The following DMD variants were observed in gnomAD, a reference collection of about 807,000 sequenced individuals.
The protein encoded by DMD is mutant dystrophin.
DMD carries 63 observed loss-of-function variants against 330.1 expected under a neutral mutation model. That is an observed-to-expected ratio of 0.19 (90% CI 0.16 to 0.24). The LOEUF (loss-of-function observed/expected upper bound fraction) is 0.24. Ranked by LOEUF, DMD falls within the 10% of genes least tolerant of loss-of-function variation. The probability of loss-of-function intolerance (pLI) is 1.00; values close to 1 mark genes in which losing one functional copy is unlikely to be tolerated. For missense variants in DMD, 3,344 were observed against 2,684.1 expected (o/e 1.25, Z -5.43); for synonymous variants, 1,223 against 959.8 (o/e 1.27, Z -5.07).
At chrX:32,875,827 T>G (rs2083332651) in intron 2 of DMD, among the ~76,000 whole-genome samples, 1 of 112,102 alleles carries the variant, frequency 8.9e-6, no homozygotes, top group Non-Finnish European at 1.9e-5. Flanking sequence ...AACACTTCTT[T>G]GCTGGCTTCT....
intron 74 of DMD, among the ~76,000 whole-genome samples, chrX:31,161,059 T>C (rs2038751586): frequency 9.0e-6 from 1 of 111,470 alleles, no homozygotes; most frequent in Non-Finnish European, 1.9e-5. Context: ...TTTCATAGGG[T>C]TGTTTTAAGG....
intron 2 of DMD, among the ~76,000 whole-genome samples, chrX:32,989,853 G>A (rs1602448510): frequency 9.0e-6 from 1 of 111,311 alleles, no homozygotes; most frequent in East Asian, 2.8e-4. Context: ...CAAAACTTTG[G>A]TGTTATTCTG....
At chrX:31,144,313 C>A (rs907937974) in intron 76 of DMD, among the ~76,000 whole-genome samples, 1 of 112,051 alleles carries the variant, frequency 8.9e-6, no homozygotes, top group African/African-American at 3.2e-5. Context: ...CCTCACCCCT[C>A]TGCTGATAAG....
chrX:33,125,472 T>A lies in DMD; in HGVS notation c.31+85810A>T, dbSNP rs1268569393. Among the ~76,000 whole-genome samples the A allele has an allele frequency of 2.7e-5, 3 of 111,940 alleles. No homozygotes were observed. In the Admixed American group the frequency reaches 2.9e-4, roughly 11 times the overall value. ...CACCCCTAACTCTCAGTTACGAACA[T>A]CTAGATTAAATTTCATTAAAAGTCA... On this transcript the variant is annotated intron_variant, in intron 1 of 78. Coordinates refer to ENST00000357033, the MANE Select transcript of DMD (RefSeq NM_004006.3).
intron 60 of DMD, among the ~76,000 whole-genome samples, chrX:31,354,027 T>C (rs1173139618): frequency 8.9e-6 from 1 of 112,112 alleles, no homozygotes; most frequent in Non-Finnish European, 1.9e-5. Context: ...CCTTGATTGA[T>C]ACACGAGGGT....
chrX:31,743,338 T>C (rs1247674811), intron 51 of DMD, among the ~76,000 whole-genome samples: 4 of 112,519 alleles, frequency 3.6e-5, no homozygotes, highest in African/African-American at 1.3e-4. Context: ...AGTGATCCCA[T>C]TACTGGGCAT....
chrX:33,125,752 T>C (rs184050896), intron 1 of DMD, among the ~76,000 whole-genome samples: 1 of 111,851 alleles, frequency 8.9e-6, no homozygotes, highest in Non-Finnish European at 1.9e-5. Flanking sequence ...GTAAGGTAAG[T>C]TGGAAAACAT....
chrX:31,526,056 T>A (rs748832517), intron 55 of DMD, among the ~76,000 whole-genome samples: 1 of 112,422 alleles, frequency 8.9e-6, no homozygotes, highest in African/African-American at 3.2e-5. Flanking sequence ...TCTCCCAACA[T>A]CCCACTGCTT....
intron 2 of DMD, among the ~76,000 whole-genome samples, chrX:32,866,381 A>G (rs1348539441): frequency 8.9e-6 from 1 of 112,288 alleles, no homozygotes; most frequent in African/African-American, 3.2e-5. Flanking sequence ...AATAGCTAAT[A>G]TGTGTACATA....
chrX:32,500,787 A>G (rs930442685), intron 19 of DMD, among the ~76,000 whole-genome samples: 27 of 111,508 alleles, frequency 2.4e-4, no homozygotes, highest in Non-Finnish European at 4.9e-4. Flanking sequence ...CAGTCATGGG[A>G]CTCATTAGAA....
intron 13 of DMD, among the ~76,000 whole-genome samples, chrX:32,589,799 G>A (rs1382299021): frequency 4.5e-5 from 5 of 111,373 alleles, no homozygotes; most frequent in Non-Finnish European, 9.4e-5. Flanking sequence ...AAGTTAATAT[G>A]GGAGCAGAAA....
intron 2 of DMD, among the ~76,000 whole-genome samples, chrX:32,979,106 T>C (rs2092635206): frequency 1.8e-5 from 2 of 112,289 alleles, no homozygotes; most frequent in South Asian, 7.3e-4. Context: ...TACCAACATA[T>C]GATCTCCAAC....
chrX:31,374,879 A>C (rs1006816891), intron 60 of DMD, among the ~76,000 whole-genome samples: 2 of 111,655 alleles, frequency 1.8e-5, no homozygotes, highest in African/African-American at 6.5e-5. Context: ...TGTAGTAGAC[A>C]CCGTGGCGCT....
At chrX:32,989,904 T>C (rs945416279) in intron 2 of DMD, among the ~76,000 whole-genome samples, 4 of 111,996 alleles carry the variant, frequency 3.6e-5, no homozygotes, top group African/African-American at 9.7e-5. Flanking sequence ...CAGAATCTAA[T>C]TAATCCTATT....
intron 59 of DMD, among the ~76,000 whole-genome samples, chrX:31,459,657 T>C (rs770101665): frequency 2.7e-5 from 3 of 112,057 alleles, no homozygotes; most frequent in African/African-American, 9.7e-5. Context: ...AAAATTACCA[T>C]AAAAATCAAT....
intron 7 of DMD, among the ~76,000 whole-genome samples, chrX:32,807,122 TAAAAAAAA>T (rs999286386): frequency 2.4e-4 from 5 of 20,743 alleles, no homozygotes; most frequent in South Asian, 2.2e-3. Flanking sequence ...CGGAAACATT[TAAAAAAAA>T]AAAAAAAAAA....
chrX:32,696,015 A>C (rs2063629085), intron 9 of DMD, among the ~76,000 whole-genome samples: 1 of 112,330 alleles, frequency 8.9e-6, no homozygotes, highest in South Asian at 3.7e-4. Context: ...TGAATAAATA[A>C]ATGAAGTTAA....
intron 2 of DMD, among the ~76,000 whole-genome samples, chrX:33,013,481 G>A (rs2093738955): frequency 1.8e-5 from 2 of 111,250 alleles, no homozygotes; most frequent in Admixed American, 1.9e-4. Context: ...TTCACTGTAC[G>A]TCATCTGCTC....
At chrX:33,204,087 T>C (rs924879787) in intron 1 of DMD, among the ~76,000 whole-genome samples, 2 of 112,047 alleles carry the variant, frequency 1.8e-5, no homozygotes, top group African/African-American at 3.2e-5. Flanking sequence ...TTGCTTCAGA[T>C]TGATAGTCCT....
Sources: allele counts gnomAD v4.1 joint callset (sites outside exome capture counted in the v4.1 genomes callset), GRCh38; gene constraint gnomAD v4.1.1; transcripts MANE v1.5; gene names NCBI Gene and HGNC (gene_info 2026-07-23, HGNC 2026-07-21).